The following NLGN1 variants were observed in gnomAD, a reference collection of about 807,000 sequenced individuals.
The protein encoded by NLGN1 is neuroligin 1, also known as neuroligin-1.
In NLGN1, 12 loss-of-function variants were observed where a neutral mutation model predicts 65.5. The observed-to-expected ratio is 0.18, with a 90% CI of 0.12 to 0.30. NLGN1 has a LOEUF of 0.30. Among genes scored for constraint, NLGN1 ranks in the 10% least tolerant of loss-of-function variants. The pLI is 1.00. For missense variants in NLGN1, 750 were observed against 1,007.1 expected, an observed-to-expected ratio of 0.74 and a Z score of 3.46; for synonymous variants, 350 against 359.5, an observed-to-expected ratio of 0.97 and a Z score of 0.30.
intron 4 of NLGN1, among the ~76,000 whole-genome samples, chr3:174,230,873 A>G (rs1322442639): frequency 1.3e-5 from 2 of 152,220 alleles, no homozygotes; most frequent in Non-Finnish European, 2.9e-5. Context: ...TATATTGTAA[A>G]TGGCTTTAAT....
intron 3 of NLGN1, among the ~76,000 whole-genome samples, chr3:173,733,409 C>G (rs1396063024): frequency 6.6e-6 from 1 of 152,060 alleles, no homozygotes; most frequent in Non-Finnish European, 1.5e-5. Context: ...TTCATTCCTT[C>G]TCTCTTTCCC....
At chr3:173,895,327 T>C (rs1736149249) in intron 4 of NLGN1, among the ~76,000 whole-genome samples, 2 of 152,308 alleles carry the variant, frequency 1.3e-5, no homozygotes, top group South Asian at 2.1e-4. Flanking sequence ...TACTTCATGA[T>C]TTTATTACAA....
chr3:173,709,680 G>A (rs1385160536), intron 3 of NLGN1, among the ~76,000 whole-genome samples: 1 of 151,584 alleles, frequency 6.6e-6, no homozygotes, highest in Non-Finnish European at 1.5e-5. Context: ...GTGAGTGCCT[G>A]TAATCCCAGC....
chr3:173,435,264 A>G (rs910561424), intron 2 of NLGN1, among the ~76,000 whole-genome samples: 14 of 152,204 alleles, frequency 9.2e-5, no homozygotes, highest in African/African-American at 3.4e-4. Flanking sequence ...TATGCAGTAT[A>G]GTTTTGACAA....
At chr3:173,429,515 G>T (rs1403239724) in intron 1 of NLGN1, among the ~76,000 whole-genome samples, 1 of 152,070 alleles carries the variant, frequency 6.6e-6, no homozygotes, top group South Asian at 2.1e-4. Context: ...TTGTCTTTTC[G>T]TGGAGGTCAT....
At chr3:173,758,046 T>G (rs1777401671) in intron 3 of NLGN1, among the ~76,000 whole-genome samples, 1 of 151,852 alleles carries the variant, frequency 6.6e-6, no homozygotes, top group Non-Finnish European at 1.5e-5. Context: ...GCAGTTAAGA[T>G]TGTATGAGGT....
At chr3:173,733,779 T>TA (rs1404194051) in intron 3 of NLGN1, among the ~76,000 whole-genome samples, 2 of 152,138 alleles carry the variant, frequency 1.3e-5, no homozygotes, top group African/African-American at 4.8e-5. Context: ...GTAATAAAAT[T>TA]ATGGCCTTTG....
chr3:173,480,447 G>T (rs1328935813), intron 2 of NLGN1, among the ~76,000 whole-genome samples: 1 of 151,974 alleles, frequency 6.6e-6, no homozygotes, highest in East Asian at 1.9e-4. Flanking sequence ...TATTGGTGAT[G>T]GTTTGCACGT....
chr3:174,168,687 G>A (rs1234036429), intron 4 of NLGN1, among the ~76,000 whole-genome samples: 1 of 152,142 alleles, frequency 6.6e-6, no homozygotes, highest in Non-Finnish European at 1.5e-5. Flanking sequence ...TTTGACGACT[G>A]TACAATGGTC....
intron 4 of NLGN1, among the ~76,000 whole-genome samples, chr3:174,155,003 T>A (rs560659507): frequency 0.016 from 1,222 of 75,062 alleles, 22 homozygotes; most frequent in African/African-American, 0.091. Context: ...TATATATATT[T>A]ATATATTGAT....
chr3:174,228,594 G>C (rs1740138745), intron 4 of NLGN1, among the ~76,000 whole-genome samples: 1 of 152,072 alleles, frequency 6.6e-6, no homozygotes, highest in Admixed American at 6.6e-5. Flanking sequence ...TAACTATATA[G>C]TTGTCATTTT....
intron 4 of NLGN1, among the ~76,000 whole-genome samples, chr3:174,262,308 C>T (rs1385290791): frequency 1.2e-5 from 1 of 86,608 alleles, no homozygotes; most frequent in Non-Finnish European, 2.2e-5. Context: ...GTGAATCCAT[C>T]TGGTCCTGGA....
At chr3:173,795,449 A>C (rs892955741) in intron 3 of NLGN1, among the ~76,000 whole-genome samples, 4 of 152,142 alleles carry the variant, frequency 2.6e-5, no homozygotes, top group Admixed American at 6.6e-5. Flanking sequence ...CTTTTTGTTG[A>C]ATAAATATAG....
intron 4 of NLGN1, among the ~76,000 whole-genome samples, chr3:174,125,360 T>G (rs1460834749): frequency 6.6e-6 from 1 of 152,022 alleles, no homozygotes; most frequent in Non-Finnish European, 1.5e-5. Context: ...TAAGAGGAAG[T>G]CATAAAAAGA....
intron 4 of NLGN1, among the ~76,000 whole-genome samples, chr3:173,934,241 C>T (rs933323212): frequency 6.8e-6 from 1 of 147,984 alleles, no homozygotes; most frequent in African/African-American, 2.5e-5. Context: ...TAATAATGTA[C>T]TATTATAGTA....
At chr3:173,613,162 G>A (rs1015509989) in intron 3 of NLGN1, among the ~76,000 whole-genome samples, 3 of 152,082 alleles carry the variant, frequency 2.0e-5, no homozygotes, top group Non-Finnish European at 2.9e-5. Context: ...AGTTATTGAA[G>A]GACACTAAGG....
At chr3:174,254,918 TA>T (rs1745403976) in intron 4 of NLGN1, among the ~76,000 whole-genome samples, 1 of 152,234 alleles carries the variant, frequency 6.6e-6, no homozygotes, top group South Asian at 2.1e-4. Context: ...ATATTTTAAC[TA>T]CTTTTTTTCC....
chr3:173,565,231 C>T (rs994595409), intron 2 of NLGN1, among the ~76,000 whole-genome samples: 2 of 152,164 alleles, frequency 1.3e-5, no homozygotes, highest in Admixed American at 6.5e-5. Flanking sequence ...TAGTCAGTTC[C>T]AGGCACCTTG....
intron 4 of NLGN1, among the ~76,000 whole-genome samples, chr3:173,942,156 G>GTATATATAA (rs1746257055): frequency 1.3e-5 from 2 of 149,140 alleles, no homozygotes; most frequent in African/African-American, 4.9e-5. Flanking sequence ...GTGTGTGTGT[G>GTATATATAA]TATGTGTATA....
Sources: allele counts gnomAD v4.1 joint callset (sites outside exome capture counted in the v4.1 genomes callset), GRCh38; gene constraint gnomAD v4.1.1; transcripts MANE v1.5; gene names NCBI Gene and HGNC (gene_info 2026-07-23, HGNC 2026-07-21).